The following ACTR10 variants were observed in gnomAD, a reference collection of about 807,000 sequenced individuals.
ACTR10 encodes actin related protein 10.
ACTR10 carries 43 observed loss-of-function variants against 56.2 expected under a neutral mutation model. That is an observed-to-expected ratio of 0.77 (90% confidence interval 0.60 to 0.99). The LOEUF is 0.99. Among genes scored for constraint, ACTR10 ranks in the 50% least tolerant of loss-of-function variants. The pLI is 0.00. For synonymous variants in ACTR10, 170 were observed against 176.3 expected, an observed-to-expected ratio of 0.96 and a Z score of 0.28; for missense variants, 466 against 507.8, an observed-to-expected ratio of 0.92 and a Z score of 0.79.
At chr14:58,211,963 TTTC>T (rs1889011231) in intron 5 of ACTR10, among the ~76,000 whole-genome samples, 1 of 143,204 alleles carries the variant, frequency 7.0e-6, no homozygotes, top group African/African-American at 2.6e-5. Context: ...GAATACGTTT[TTTC>T]TTTTCTTTTT....
chr14:58,219,419 T>C (rs371533893), intron 7 of ACTR10: 3 of 259,806 alleles, frequency 1.2e-5, no homozygotes, highest in African/African-American at 4.5e-5. Context: ...TTTAAAAATA[T>C]GTTAGCACAT....
intron 3 of ACTR10, 27 bp from the exon 4 acceptor site, chr14:58,208,972 T>G: frequency 6.5e-7 from 1 of 1,542,752 alleles, no homozygotes; most frequent in Non-Finnish European, 8.9e-7. Flanking sequence ...AACTTTTACT[T>G]TTAAAACCAA....
chr14:58,212,129 C>T (rs2140048867), intron 5 of ACTR10, among the ~76,000 whole-genome samples: 1 of 152,202 alleles, frequency 6.6e-6, no homozygotes, highest in African/African-American at 2.4e-5. Context: ...CTTCGGGCCT[C>T]AGTTTCTTTA....
intron 8 of ACTR10, among the ~76,000 whole-genome samples, chr14:58,223,004 C>T (rs1207442374): frequency 2.6e-5 from 4 of 151,952 alleles, no homozygotes; most frequent in Admixed American, 2.6e-4. Flanking sequence ...CCTCCTTATA[C>T]AAGAGATATC....
intron 2 of ACTR10, chr14:58,207,230 A>G: frequency 6.5e-6 from 1 of 153,766 alleles, no homozygotes; most frequent in South Asian, 1.9e-4. Context: ...TAGTAGAGAT[A>G]GGGTTTCACC....
At chr14:58,215,970 TTTC>T (rs1361040636) in intron 7 of ACTR10, among the ~76,000 whole-genome samples, 4 of 151,324 alleles carry the variant, frequency 2.6e-5, no homozygotes, top group Non-Finnish European at 4.4e-5. Context: ...TTTTTCTTTC[TTTC>T]TTTTTTTTTT....
intron 1 of ACTR10, 92 bp from the exon 2 acceptor site, chr14:58,202,763 A>G (rs919166055): frequency 3.4e-6 from 3 of 874,590 alleles, no homozygotes; most frequent in East Asian, 2.5e-5. Flanking sequence ...TATTGTGGCC[A>G]TTGTTTTGAA....
At chr14:58,221,066 G>A (rs571993221) in intron 8 of ACTR10, among the ~76,000 whole-genome samples, 1 of 145,058 alleles carries the variant, frequency 6.9e-6, no homozygotes, top group South Asian at 2.2e-4. Context: ...GGCGGATCAC[G>A]AGGTCAAAAG....
intron 10 of ACTR10, among the ~76,000 whole-genome samples, chr14:58,225,009 T>C (rs981912146): frequency 1.3e-5 from 2 of 151,322 alleles, no homozygotes; most frequent in Non-Finnish European, 2.9e-5. Flanking sequence ...AAAAAATTGC[T>C]CAGGCTTTAT....
intron 1 of ACTR10, among the ~76,000 whole-genome samples, chr14:58,200,850 A>T (rs1380535839): frequency 1.3e-5 from 2 of 152,240 alleles, no homozygotes; most frequent in Non-Finnish European, 2.9e-5. Flanking sequence ...GTTAGATTTG[A>T]CATGTTTTAA....
At chr14:58,229,986 G>T (rs936158630) in intron 10 of ACTR10, among the ~76,000 whole-genome samples, 2 of 152,076 alleles carry the variant, frequency 1.3e-5, no homozygotes, top group Non-Finnish European at 2.9e-5. Context: ...ACAAAGAAAT[G>T]GGGGGTGATT....
chr14:58,206,141 C>T (rs556290943), intron 2 of ACTR10, among the ~76,000 whole-genome samples: 7 of 151,348 alleles, frequency 4.6e-5, no homozygotes, highest in South Asian at 2.1e-4. Context: ...AGACCCTGTA[C>T]GTTTTTGTTG....
intron 5 of ACTR10, among the ~76,000 whole-genome samples, chr14:58,211,837 G>A (rs1410771265): frequency 1.3e-5 from 2 of 152,022 alleles, no homozygotes; most frequent in Non-Finnish European, 2.9e-5. Context: ...CTACTCAGGA[G>A]GCTGAGACAG....
In ACTR10 at chr14:58,207,962, C is replaced by G; in HGVS notation, c.177C>G (p.Ile59Met). The G allele has an allele frequency of 6.6e-7, 1 of 1,504,760 alleles. No homozygotes were observed. Among genetic ancestry groups the G allele is most frequent in the Non-Finnish European group, 8.8e-7 (1 of 1,133,324 alleles). The allele number at this position is 1,504,760 out of a possible 1,614,324, so 93.2% of individuals were successfully genotyped here. A position where few individuals can be genotyped will look rare whatever the true frequency, so the allele number is the denominator to read the frequency against. The change falls in exon 3 of 13, where the codon ATC becomes ATG. Residue 59 changes from isoleucine (I) to methionine (M), a missense_variant. Ile to Met is a conservative substitution (Grantham distance 10). Coordinates refer to ENST00000254286, the MANE Select transcript of ACTR10 (RefSeq NM_018477.3). ...PKPVRVVQYN[I>M]NTEELYSYLK... ...CTGTCAGAGTTGTTCAGTATAATAT[C>G]AATACAGAAGAATTATATTCCTACC...
intron 11 of ACTR10, 30 bp downstream of exon 11, chr14:58,230,510 AT>A (rs779293082): frequency 8.6e-7 from 1 of 1,168,008 alleles, no homozygotes; most frequent in Non-Finnish European, 1.2e-6. Flanking sequence ...AATTCCCTTT[AT>A]TACCACAGTC....
At chr14:58,215,087 C>T (rs563295778) in intron 6 of ACTR10, 118 bp from the exon 7 acceptor site, 37 of 570,478 alleles carry the variant, frequency 6.5e-5, no homozygotes, top group Admixed American at 5.2e-4. Flanking sequence ...GCCTGGGCAA[C>T]AGAGTAAGAC....
chr14:58,215,387 C>A, intron 7 of ACTR10, 103 bp downstream of exon 7: 1 of 664,094 alleles, frequency 1.5e-6, no homozygotes, highest in African/African-American at 1.8e-5. Flanking sequence ...TCTTTTCTCC[C>A]CATGCCACTC....
Position 58,227,322 on chromosome 14 carries a change from C to T in ACTR10, c.789-3077C>T, listed in dbSNP as rs182817120. ...AAGGCGGGCGGATCACTTGAGGTCA[C>T]GAGTTTGACACCAGCCTGGCCAACA... On this transcript the variant is annotated intron_variant, in intron 10 of 12. Coordinates refer to ENST00000254286, the MANE Select transcript of ACTR10 (RefSeq NM_018477.3). Among the ~76,000 whole-genome samples the T allele has an allele frequency of 1.0e-3, 152 of 152,010 alleles. 1 individual carries two copies. Among genetic ancestry groups the T allele is most frequent in the Non-Finnish European group, 1.2e-3 (84 of 67,956 alleles).
chr14:58,203,062 G>A, intron 2 of ACTR10, 135 bp downstream of exon 2: 1 of 541,096 alleles, frequency 1.8e-6, no homozygotes, highest in Non-Finnish European at 3.1e-6. Flanking sequence ...AACACTTTGG[G>A]TGGCTGAGGC....
Sources: allele counts gnomAD v4.1 joint callset (sites outside exome capture counted in the v4.1 genomes callset), GRCh38; gene constraint gnomAD v4.1.1; transcripts MANE v1.5; gene names NCBI Gene and HGNC (gene_info 2026-07-23, HGNC 2026-07-21).